The following GRM8 variants were observed in gnomAD, a reference collection of about 807,000 sequenced individuals.
The protein encoded by GRM8 is glutamate metabotropic receptor 8.
GRM8 carries 47 observed loss-of-function variants against 87.2 expected under a neutral mutation model. The ratio of observed to expected loss-of-function variants is 0.54; its 90% CI spans 0.43 to 0.69. The LOEUF (loss-of-function observed/expected upper bound fraction) is 0.69. Among genes scored for constraint, GRM8 ranks in the 30% least tolerant of loss-of-function variants. The probability of loss-of-function intolerance (pLI) is 0.00; values close to 1 mark genes in which losing one functional copy is unlikely to be tolerated. For missense variants in GRM8, 1,019 were observed against 1,139.2 expected (o/e 0.89, Z 1.52); for synonymous variants, 396 against 404.5 (o/e 0.98, Z 0.25).
chr7:126,463,970 A>G (rs1051310506), intron 9 of GRM8, among the ~76,000 whole-genome samples: 1 of 151,784 alleles, frequency 6.6e-6, no homozygotes, highest in African/African-American at 2.4e-5. Flanking sequence ...TGTTTCTACT[A>G]CATAAAATAT....
intron 7 of GRM8, among the ~76,000 whole-genome samples, chr7:126,654,440 G>C (rs1804277088): frequency 6.6e-6 from 1 of 152,098 alleles, no homozygotes; most frequent in South Asian, 2.1e-4. Flanking sequence ...GCAGGCTTAT[G>C]GTCTACAGAA....
chr7:126,468,675 C>CA (rs1166600970), intron 9 of GRM8, among the ~76,000 whole-genome samples: 1 of 151,956 alleles, frequency 6.6e-6, no homozygotes, highest in East Asian at 1.9e-4. Flanking sequence ...TGTCTGTGTC[C>CA]AAAAAAGAAA....
chr7:126,476,287 G>A (rs1805899426), intron 9 of GRM8, among the ~76,000 whole-genome samples: 1 of 152,028 alleles, frequency 6.6e-6, no homozygotes, highest in Non-Finnish European at 1.5e-5. Flanking sequence ...CAGGCATAGT[G>A]GCATATGCCT....
intron 3 of GRM8, among the ~76,000 whole-genome samples, chr7:126,963,511 C>T (rs527950910): frequency 2.6e-5 from 4 of 152,304 alleles, no homozygotes; most frequent in African/African-American, 9.6e-5. Context: ...AAGTCACAAG[C>T]ATTCCTATAT....
chr7:126,558,843 G>C (rs1562954736), intron 8 of GRM8, among the ~76,000 whole-genome samples: 1 of 152,110 alleles, frequency 6.6e-6, no homozygotes, highest in Non-Finnish European at 1.5e-5. Flanking sequence ...AATATCAAAA[G>C]TGGTAAGGAA....
chr7:126,450,944 G>A (rs1418557952), intron 9 of GRM8, among the ~76,000 whole-genome samples: 1 of 151,812 alleles, frequency 6.6e-6, no homozygotes, highest in African/African-American at 2.4e-5. Context: ...ACCAAGACAA[G>A]CTTCATGGGT....
intron 3 of GRM8, among the ~76,000 whole-genome samples, chr7:127,089,668 T>C (rs1056157875): frequency 2.0e-5 from 3 of 152,212 alleles, no homozygotes; most frequent in Non-Finnish European, 4.4e-5. Context: ...GTACCCTAAA[T>C]TGCCTCATAG....
intron 3 of GRM8, among the ~76,000 whole-genome samples, chr7:127,055,399 T>C (rs1004662221): frequency 7.2e-5 from 11 of 152,126 alleles, no homozygotes; most frequent in Non-Finnish European, 1.5e-4. Flanking sequence ...TGGTATGGAC[T>C]TATCAGAATG....
At chr7:126,715,154 G>T (rs1811581681) in intron 7 of GRM8, among the ~76,000 whole-genome samples, 1 of 152,120 alleles carries the variant, frequency 6.6e-6, no homozygotes, top group South Asian at 2.1e-4. Flanking sequence ...TTACAGTATT[G>T]CACTAAATGC....
intron 2 of GRM8, among the ~76,000 whole-genome samples, chr7:127,242,210 TC>T (rs1798345070): frequency 6.6e-6 from 1 of 151,744 alleles, no homozygotes; most frequent in South Asian, 2.1e-4. Flanking sequence ...AGAGTGTCAC[TC>T]CCATCTACAC....
intron 7 of GRM8, among the ~76,000 whole-genome samples, chr7:126,643,788 G>A (rs1802733784): frequency 6.6e-6 from 1 of 152,296 alleles, no homozygotes; most frequent in Non-Finnish European, 1.5e-5. Flanking sequence ...AACAAAACCT[G>A]GTATTCTTCC....
At chr7:127,150,374 C>A (rs1443600616) in intron 2 of GRM8, among the ~76,000 whole-genome samples, 4 of 152,028 alleles carry the variant, frequency 2.6e-5, no homozygotes, top group African/African-American at 9.7e-5. Flanking sequence ...AACAGGAGCA[C>A]ATGGACATGC....
rs560951223 is a variant in GRM8, at chr7:126,456,474, T to C, written c.2431-10102A>G. On this transcript the variant is annotated intron_variant, in intron 9 of 10. Coordinates refer to ENST00000339582, the MANE Select transcript of GRM8 (RefSeq NM_000845.3). ...AACCGGGTATTTTATACCTTTTTTTTCCCTTGAGACTTTGCTGAATCCTAA... is the reference window on the plus strand; with the variant it reads ...AACCGGGTATTTTATACCTTTTTTTCCCCTTGAGACTTTGCTGAATCCTAA... Among the ~76,000 whole-genome samples, 4 of 133,326 alleles carry C rather than the reference T, an allele frequency of 3.0e-5. 1 individual carries two copies. The highest frequency in any genetic ancestry group is 8.7e-5 in the African/African-American group (3 of 34,400). The allele number at this position is 133,326 out of a possible 152,430, so 87.5% of individuals were successfully genotyped here.
intron 1 of GRM8, among the ~76,000 whole-genome samples, chr7:127,246,964 G>A (rs1798613761): frequency 6.6e-6 from 1 of 152,330 alleles, no homozygotes; most frequent in East Asian, 1.9e-4. Flanking sequence ...GTCCCAGAAG[G>A]TGGGTCCTGT....
chr7:126,917,697 T>G (rs541055229), intron 3 of GRM8, among the ~76,000 whole-genome samples: 1 of 152,354 alleles, frequency 6.6e-6, no homozygotes, highest in South Asian at 2.1e-4. Flanking sequence ...CTATTATCTC[T>G]CAATAATTGT....
chr7:126,731,731 A>G (rs1276967071), intron 7 of GRM8, among the ~76,000 whole-genome samples: 1 of 152,074 alleles, frequency 6.6e-6, no homozygotes, highest in Non-Finnish European at 1.5e-5. Flanking sequence ...ATCAATACAT[A>G]TATGTATTCA....
intron 3 of GRM8, among the ~76,000 whole-genome samples, chr7:127,068,908 T>C (rs1411054961): frequency 6.6e-6 from 1 of 152,204 alleles, no homozygotes; most frequent in African/African-American, 2.4e-5. Flanking sequence ...TGCATCACTT[T>C]ATACTTAAGC....
intron 2 of GRM8, among the ~76,000 whole-genome samples, chr7:127,188,699 T>C (rs2116466917): frequency 6.6e-6 from 1 of 152,342 alleles, no homozygotes; most frequent in East Asian, 1.9e-4. Flanking sequence ...AAGCCTGGTA[T>C]AGTGCTTATC....
chr7:126,967,435 G>A (rs10272799), intron 3 of GRM8, among the ~76,000 whole-genome samples: 5,992 of 151,968 alleles, frequency 0.039, 247 homozygotes, highest in African/African-American at 0.099. Flanking sequence ...TTTTTCAAAG[G>A]GAAAATAACC....
Sources: allele counts gnomAD v4.1 joint callset (sites outside exome capture counted in the v4.1 genomes callset), GRCh38; gene constraint gnomAD v4.1.1; transcripts MANE v1.5; gene names NCBI Gene and HGNC (gene_info 2026-07-23, HGNC 2026-07-21).